The following GPD2 variants were observed in gnomAD, a reference collection of about 807,000 sequenced individuals.
GPD2 encodes glycerol-3-phosphate dehydrogenase, mitochondrial.
A neutral mutation model predicts 82.4 loss-of-function variants in GPD2; 54 were observed. The observed-to-expected ratio is 0.66, with a 90% CI of 0.53 to 0.82. GPD2 has a LOEUF of 0.82. GPD2 is among the 40% of genes least tolerant of loss of function. The pLI, the probability that GPD2 is intolerant of heterozygous loss-of-function variation, is 0.00. For missense variants in GPD2, 748 were observed against 896.2 expected (o/e 0.83, Z 2.11); for synonymous variants, 288 against 306.1 (o/e 0.94, Z 0.62).
chr2:156,449,820 G>A (rs1682488941), intron 1 of GPD2, among the ~76,000 whole-genome samples: 1 of 119,446 alleles, frequency 8.4e-6, no homozygotes, highest in South Asian at 3.0e-4. Flanking sequence ...AGACCAGCCT[G>A]GCCAATATGG....
Position 156,557,457 on chromosome 2 carries a change from A to G in GPD2, c.1040A>G (p.Gln347Arg). 1 of 1,609,958 alleles carries G rather than the reference A, an allele frequency of 6.2e-7. No individual in the cohort carries two copies. Among genetic ancestry groups the G allele is most frequent in the Non-Finnish European group, 8.5e-7 (1 of 1,176,218 alleles). The change falls in exon 9 of 17, where the codon CAA (glutamine) becomes CGA (arginine). Residue 347 changes from glutamine to arginine, a missense_variant. Physicochemically the swap from Gln to Arg is conservative, Grantham distance 43. Coordinates refer to ENST00000438166, the MANE Select transcript of GPD2 (RefSeq NM_000408.5). ...CGAGTTATTTTCTTCTTACCCTGGC[A>G]AAAGATGACGATCGCTGGCACTACT... ...DGRVIFFLPW[Q>R]KMTIAGTTDT...
intron 6 of GPD2, among the ~76,000 whole-genome samples, chr2:156,522,380 G>A (rs141354883): frequency 3.6e-4 from 55 of 152,314 alleles, no homozygotes; most frequent in Middle Eastern, 3.4e-3. Context: ...AAATTCTCCA[G>A]TAGTAGGATG....
At chr2:156,466,037 T>G (rs1558912269) in intron 1 of GPD2, among the ~76,000 whole-genome samples, 1 of 152,230 alleles carries the variant, frequency 6.6e-6, no homozygotes, top group Non-Finnish European at 1.5e-5. Flanking sequence ...CTTGTGTTTT[T>G]ACAAGGGGTT....
chr2:156,557,257 G>A, intron 8 of GPD2, 132 bp from the exon 9 acceptor site: 1 of 698,934 alleles, frequency 1.4e-6, no homozygotes. Context: ...TAGGGTAGGG[G>A]AAGTGCAAGT....
chr2:156,509,705 G>A (rs1410068107), intron 3 of GPD2, among the ~76,000 whole-genome samples: 1 of 151,064 alleles, frequency 6.6e-6, no homozygotes, highest in Non-Finnish European at 1.5e-5. Context: ...AAGGGGGCAT[G>A]GGCAACTTCT....
At chr2:156,555,204 C>T (rs935051731) in intron 8 of GPD2, among the ~76,000 whole-genome samples, 1 of 152,158 alleles carries the variant, frequency 6.6e-6, no homozygotes, top group East Asian at 1.9e-4. Context: ...GCTTTGTCTT[C>T]CCTCTGTGCT....
intron 6 of GPD2, among the ~76,000 whole-genome samples, chr2:156,540,888 AG>A (rs1686283451): frequency 6.6e-6 from 1 of 152,264 alleles, no homozygotes; most frequent in African/African-American, 2.4e-5. Flanking sequence ...TACACATTTC[AG>A]GGTAAGTTTG....
At chr2:156,523,102 C>T (rs1048635222) in intron 6 of GPD2, among the ~76,000 whole-genome samples, 1 of 152,156 alleles carries the variant, frequency 6.6e-6, no homozygotes, top group African/African-American at 2.4e-5. Context: ...ATCATTATCA[C>T]CCAGAGTCCA....
In GPD2 at chr2:156,550,596, TC is replaced by T; in HGVS notation, c.827-5del. 4 of 1,613,932 alleles carry T rather than the reference TC, an allele frequency of 2.5e-6. No homozygotes were observed. The highest frequency in any genetic ancestry group is 3.4e-6 in the Non-Finnish European group (4 of 1,179,812). ...GGTGTGTGATTGATGCCACTTTCTT[TC>T]ACAGGGCAGGAATTTGACGTGAGAG... On this transcript the variant is annotated splice_polypyrimidine_tract_variant and splice_region_variant and intron_variant, in intron 7 of 16. Transcript: ENST00000438166.
intron 8 of GPD2, among the ~76,000 whole-genome samples, chr2:156,551,711 A>G (rs532821888): frequency 4.6e-5 from 7 of 152,204 alleles, no homozygotes; most frequent in Non-Finnish European, 1.0e-4. Flanking sequence ...GTCATTAAGA[A>G]TTATAATTAT....
At chr2:156,528,295 C>A (rs1039445735) in intron 6 of GPD2, among the ~76,000 whole-genome samples, 1 of 151,784 alleles carries the variant, frequency 6.6e-6, no homozygotes, top group African/African-American at 2.4e-5. Flanking sequence ...CTGTCTTCTA[C>A]TTGTATATTT....
At chr2:156,402,734 T>C in the GPD2 span, among the ~76,000 whole-genome samples, 2 of 152,062 alleles carry the variant, frequency 1.3e-5, no homozygotes, top group African/African-American at 4.8e-5. Flanking sequence ...CAGGCTGGCT[T>C]CAAAGTCTTG....
chr2:156,432,845 G>A (rs996373764), upstream of GPD2, among the ~76,000 whole-genome samples: 25 of 152,180 alleles, frequency 1.6e-4, no homozygotes, highest in African/African-American at 5.8e-4. Flanking sequence ...TAAATTGTAT[G>A]CTGATCAGGT....
intron 9 of GPD2, among the ~76,000 whole-genome samples, chr2:156,564,292 A>G (rs1687284799): frequency 6.6e-6 from 1 of 152,154 alleles, no homozygotes; most frequent in South Asian, 2.1e-4. Context: ...TGGTTACCTC[A>G]TGGCTGCAAC....
chr2:156,449,251 T>C (rs298234), intron 1 of GPD2, among the ~76,000 whole-genome samples: 48,607 of 152,036 alleles, frequency 0.32, 9,223 homozygotes, highest in Non-Finnish European at 0.44. Context: ...AGTGAAGGGC[T>C]GGATCCTATA....
chr2:156,408,086 G>A, the GPD2 span, among the ~76,000 whole-genome samples: 1 of 151,276 alleles, frequency 6.6e-6, no homozygotes, highest in Admixed American at 6.6e-5. Context: ...CTCCCGAGGA[G>A]CTGAGACTAC....
In GPD2 at chr2:156,549,719, C is replaced by T; in HGVS notation, c.773C>T (p.Pro258Leu). The T allele has an allele frequency of 6.2e-7, 1 of 1,614,014 alleles. No homozygotes were observed. The highest frequency in any genetic ancestry group is 2.2e-5 in the East Asian group (1 of 44,870). ...EVVSLLKKTD[P>L]QTGKVRVSGA... is the part of the protein sequence containing the mutation. ...GTGAGCTTGCTCAAGAAGACAGACCCCCAGACAGGGAAAGTGCGTGTGAGC... is the reference window on the plus strand; with the variant it reads ...GTGAGCTTGCTCAAGAAGACAGACCTCCAGACAGGGAAAGTGCGTGTGAGC... The change falls in exon 7 of 17, where the codon CCC becomes CTC. Residue 258 changes from proline to leucine, a missense_variant. By Grantham distance (98) the Pro-to-Leu change is moderately conservative. Transcript: ENST00000438166.
At chr2:156,422,804 G>A in the GPD2 span, among the ~76,000 whole-genome samples, 10 of 152,014 alleles carry the variant, frequency 6.6e-5, no homozygotes, top group South Asian at 2.1e-3. Context: ...CACATTTCTT[G>A]TCACTGAATG....
chr2:156,575,312 C>T (rs2105372185), intron 13 of GPD2, among the ~76,000 whole-genome samples: 1 of 151,986 alleles, frequency 6.6e-6, no homozygotes, highest in East Asian at 1.9e-4. Context: ...ATTTTATCAG[C>T]ATTTATCAAG....
Sources: allele counts gnomAD v4.1 joint callset (sites outside exome capture counted in the v4.1 genomes callset), GRCh38; gene constraint gnomAD v4.1.1; transcripts MANE v1.5; gene names NCBI Gene and HGNC (gene_info 2026-07-23, HGNC 2026-07-21).